DYRK1A: variants seen among roughly 807,000 people sequenced by gnomAD.
DYRK1A encodes dual specificity tyrosine-phosphorylation-regulated kinase 1A.
A neutral mutation model predicts 79.7 loss-of-function variants in DYRK1A; 9 were observed. The ratio of observed to expected loss-of-function variants is 0.11; its 90% CI spans 0.07 to 0.20. The LOEUF (loss-of-function observed/expected upper bound fraction) is 0.20, where lower values mean the gene tolerates loss of function less well. Ranked by LOEUF, DYRK1A falls within the 10% of genes least tolerant of loss-of-function variation. The pLI, the probability that DYRK1A is intolerant of heterozygous loss-of-function variation, is 1.00. For synonymous variants in DYRK1A, 349 were observed against 329.7 expected (o/e 1.06, Z -0.63); for missense variants, 622 against 956.0 (o/e 0.65, Z 4.61).
intron 1 of DYRK1A, among the ~76,000 whole-genome samples, chr21:37,390,311 A>G (rs905096246): frequency 3.9e-5 from 6 of 152,196 alleles, no homozygotes; most frequent in African/African-American, 1.4e-4. Context: ...CAGGTATGGT[A>G]CAAATAGCTT....
At position 37,366,783 on chromosome 21, in the gene DYRK1A, G is replaced by T. The variant is rs1266047299; in HGVS notation, c.-922G>T. On this transcript the variant is annotated 5_prime_UTR_variant, in exon 1 of 12. Transcript: ENST00000647188. Reference sequence around the variant, plus strand: ...GACAGTTGCTATAGCGACCGGGTCGGTCCGTCGCCATTTTGTTGGTTGGTT... The same window carrying T: ...GACAGTTGCTATAGCGACCGGGTCGTTCCGTCGCCATTTTGTTGGTTGGTT... Among the ~76,000 whole-genome samples, 1 of 152,006 alleles carries T rather than the reference G, an allele frequency of 6.6e-6. No individual in the cohort carries two copies. The highest frequency in any genetic ancestry group is 1.5e-5 in the Non-Finnish European group (1 of 67,976).
At chr21:37,433,733 C>T (rs1215773157) in intron 2 of DYRK1A, among the ~76,000 whole-genome samples, 1 of 151,944 alleles carries the variant, frequency 6.6e-6, no homozygotes, top group East Asian at 1.9e-4. Context: ...TGATCCTGAG[C>T]TAATCTCATG....
chr21:37,420,563 A>G (rs1451363675), intron 2 of DYRK1A, among the ~76,000 whole-genome samples, 179 bp downstream of exon 2: 1 of 152,168 alleles, frequency 6.6e-6, no homozygotes, highest in Non-Finnish European at 1.5e-5. Context: ...ATTGATAATC[A>G]GTGATTTATA....
chr21:37,375,293 C>T (rs1397403056), intron 1 of DYRK1A, among the ~76,000 whole-genome samples: 1 of 152,146 alleles, frequency 6.6e-6, no homozygotes, highest in Non-Finnish European at 1.5e-5. Context: ...TTGTTAGTAT[C>T]AGCACTATTG....
At chr21:37,482,977 G>A (rs1239411671) in intron 5 of DYRK1A, among the ~76,000 whole-genome samples, 2 of 151,934 alleles carry the variant, frequency 1.3e-5, no homozygotes, top group African/African-American at 4.8e-5. Flanking sequence ...TTTTTTCAAG[G>A]TGCCCAGATT....
intron 1 of DYRK1A, among the ~76,000 whole-genome samples, chr21:37,373,926 G>A (rs532424761): frequency 8.5e-5 from 13 of 152,156 alleles, no homozygotes; most frequent in Non-Finnish European, 1.9e-4. Context: ...ACAATGGATT[G>A]CATTAGTTAA....
chr21:37,377,955 G>C (rs940922187), intron 1 of DYRK1A, among the ~76,000 whole-genome samples: 2 of 152,214 alleles, frequency 1.3e-5, no homozygotes, highest in Non-Finnish European at 2.9e-5. Flanking sequence ...GGTTCACCAG[G>C]TATATGGATA....
rs200508823 is a variant in DYRK1A at position 37,485,133 on chromosome 21, G to GA, written c.490-1324dup. 3.5e-3 allele frequency among the ~76,000 whole-genome samples: 515 copies of GA among 148,000 alleles called. 1 individual carries two copies. Among genetic ancestry groups the GA allele is most frequent in the African/African-American group, 0.011 (443 of 40,450 alleles). ...AAATTCTCTAGGCATTGATGTAAAAGAAAAAAAAAACCTTATTAAATTTGT... is the reference window on the plus strand; with the variant it reads ...AAATTCTCTAGGCATTGATGTAAAAGAAAAAAAAAAACCTTATTAAATTTGT... On this transcript the variant is annotated intron_variant, in intron 5 of 11. Coordinates refer to ENST00000647188, the MANE Select transcript of DYRK1A (RefSeq NM_001347721.2).
intron 1 of DYRK1A, among the ~76,000 whole-genome samples, chr21:37,376,837 GCT>G (rs1273733168): frequency 6.6e-6 from 1 of 151,998 alleles, no homozygotes; most frequent in African/African-American, 2.4e-5. Flanking sequence ...AAAAAAACAA[GCT>G]CTGTGGAATG....
chr21:37,405,200 T>C (rs565158970), intron 1 of DYRK1A, among the ~76,000 whole-genome samples: 2 of 152,216 alleles, frequency 1.3e-5, no homozygotes, highest in African/African-American at 4.8e-5. Flanking sequence ...TGAACCCCGC[T>C]TCCCACCTAG....
chr21:37,382,207 C>CT (rs201107878), intron 1 of DYRK1A, among the ~76,000 whole-genome samples: 134 of 144,456 alleles, frequency 9.3e-4, no homozygotes, highest in East Asian at 7.0e-3. Context: ...AGCTTGCTTT[C>CT]TTTTTTTTTT....
chr21:37,382,942 T>C lies in DYRK1A; in HGVS notation c.-77+15314T>C, dbSNP rs149527340. Among the ~76,000 whole-genome samples, 458 of 152,344 alleles carry C rather than the reference T, an allele frequency of 3.0e-3. 4 individuals carry two copies. The highest frequency in any genetic ancestry group is 0.01 in the African/African-American group (431 of 41,576). On this transcript the variant is annotated intron_variant, in intron 1 of 11. Coordinates refer to ENST00000647188, the MANE Select transcript of DYRK1A (RefSeq NM_001347721.2). ...ATTGATACCTTGTGTTATTGGTTCATTAGTTTTTTTGGATTATAAACAAGA... is the reference window on the plus strand; with the variant it reads ...ATTGATACCTTGTGTTATTGGTTCACTAGTTTTTTTGGATTATAAACAAGA...
chr21:37,484,265 T>G (rs2052767590), intron 5 of DYRK1A, among the ~76,000 whole-genome samples: 1 of 151,500 alleles, frequency 6.6e-6, no homozygotes. Context: ...GCTCTAGACC[T>G]AGAGAGTGCT....
intron 1 of DYRK1A, among the ~76,000 whole-genome samples, chr21:37,389,347 G>C (rs1029176147): frequency 6.0e-5 from 9 of 149,160 alleles, no homozygotes; most frequent in African/African-American, 2.2e-4. Flanking sequence ...AGTATTTTTG[G>C]TAGAGGCGGG....
chr21:37,416,969 AT>A (rs201624058), intron 1 of DYRK1A, among the ~76,000 whole-genome samples: 1,585 of 152,050 alleles, frequency 0.01, 11 homozygotes, highest in Middle Eastern at 0.041. Flanking sequence ...TATCATACTG[AT>A]TTTTTTTCAT....
chr21:37,435,328 C>T (rs2050892638), intron 2 of DYRK1A, among the ~76,000 whole-genome samples: 2 of 152,148 alleles, frequency 1.3e-5, no homozygotes, highest in Admixed American at 6.5e-5. Flanking sequence ...GCTAATTAGC[C>T]GCTGTTGCTG....
intron 7 of DYRK1A, among the ~76,000 whole-genome samples, chr21:37,491,838 G>T (rs2053107382): frequency 6.6e-6 from 1 of 152,088 alleles, no homozygotes; most frequent in Non-Finnish European, 1.5e-5. Flanking sequence ...TATTATTTCT[G>T]TCTAGCCAAA....
chr21:37,494,344 TA>T (rs2053193535), intron 8 of DYRK1A, among the ~76,000 whole-genome samples: 1 of 152,154 alleles, frequency 6.6e-6, no homozygotes, highest in African/African-American at 2.4e-5. Context: ...TTACTCATTG[TA>T]AAGGCCGAGG....
At chr21:37,457,390 C>T (rs1041781057) in intron 2 of DYRK1A, among the ~76,000 whole-genome samples, 2 of 152,046 alleles carry the variant, frequency 1.3e-5, no homozygotes, top group African/African-American at 4.8e-5. Context: ...CCACCATGAT[C>T]GCCTAATTGT....
Sources: gnomAD v4.1 joint callset for allele counts (sites outside exome capture counted in the v4.1 genomes callset) on GRCh38, gnomAD v4.1.1 for gene constraint, MANE v1.5 for transcripts, NCBI Gene and HGNC (gene_info 2026-07-23, HGNC 2026-07-21) for gene names.